KIAA1958: variants seen among roughly 807,000 people sequenced by gnomAD.
The protein encoded by KIAA1958 is uncharacterized protein KIAA1958.
Under a neutral mutation model 47.2 loss-of-function variants are expected in KIAA1958, and 14 were observed. The observed-to-expected ratio is 0.30, with a 90% CI of 0.20 to 0.46. KIAA1958 has a LOEUF of 0.46. Ranked by LOEUF, KIAA1958 falls within the 20% of genes least tolerant of loss-of-function variation. The pLI is 1.00. For synonymous variants in KIAA1958, 354 were observed against 353.3 expected (o/e 1.00, Z -0.02); for missense variants, 803 against 909.2 (o/e 0.88, Z 1.50).
At chr9:112,600,894 A>G (rs996291601) in intron 2 of KIAA1958, among the ~76,000 whole-genome samples, 1 of 152,192 alleles carries the variant, frequency 6.6e-6, no homozygotes, top group Non-Finnish European at 1.5e-5. Flanking sequence ...TTCCTATTGT[A>G]TTTGATCTTC....
At chr9:112,590,935 T>G (rs1012213616) in intron 2 of KIAA1958, among the ~76,000 whole-genome samples, 2 of 152,158 alleles carry the variant, frequency 1.3e-5, no homozygotes, top group Non-Finnish European at 2.9e-5. Flanking sequence ...TCTAGGAGCC[T>G]TTGGGCTTTG....
intron 1 of KIAA1958, among the ~76,000 whole-genome samples, chr9:112,561,044 A>G (rs892079395): frequency 6.0e-5 from 9 of 150,016 alleles, no homozygotes; most frequent in Non-Finnish European, 1.0e-4. Flanking sequence ...CACTCAGTGT[A>G]TTGTCTTTGC....
At chr9:112,589,861 T>C (rs1487551446) in intron 2 of KIAA1958, among the ~76,000 whole-genome samples, 1 of 152,318 alleles carries the variant, frequency 6.6e-6, no homozygotes, top group African/African-American at 2.4e-5. Flanking sequence ...TTCTGACTTT[T>C]TTCTGGAAAG....
At chr9:112,547,474 C>T (rs1365214202) in intron 1 of KIAA1958, among the ~76,000 whole-genome samples, 1 of 151,198 alleles carries the variant, frequency 6.6e-6, no homozygotes, top group Admixed American at 6.6e-5. Context: ...ACCTGAAAAA[C>T]TAGTTCGGGC....
In KIAA1958 at chr9:112,625,542, C is replaced by T. The variant is rs561638573; in HGVS notation, c.1172-20108C>T. 4.6e-5 allele frequency among the ~76,000 whole-genome samples: 7 copies of T among 152,268 alleles called. No homozygotes were observed. The South Asian group carries it at 1.5e-3, about 32-fold the overall frequency. Reference sequence around the variant, plus strand: ...CACCCTGTTAGGGTGTGAGCTTTCCCTTGTCAGGGTTAAAGCCGGGACTAG... The same window carrying T: ...CACCCTGTTAGGGTGTGAGCTTTCCTTTGTCAGGGTTAAAGCCGGGACTAG... On this transcript the variant is annotated intron_variant, in intron 2 of 3. Transcript: ENST00000337530.
chr9:112,534,483 A>T (rs767664890), intron 1 of KIAA1958, among the ~76,000 whole-genome samples: 8 of 149,334 alleles, frequency 5.4e-5, no homozygotes, highest in Non-Finnish European at 1.2e-4. Flanking sequence ...GTTTTTTCCT[A>T]CTGTGAAATA....
chr9:112,652,069 T>G (rs1303746707), intron 3 of KIAA1958, among the ~76,000 whole-genome samples: 1 of 152,130 alleles, frequency 6.6e-6, no homozygotes, highest in Non-Finnish European at 1.5e-5. Context: ...TCTCACTATG[T>G]TACCCAGGCT....
intron 2 of KIAA1958, among the ~76,000 whole-genome samples, chr9:112,642,550 A>G (rs567399397): frequency 1.3e-5 from 2 of 152,306 alleles, no homozygotes; most frequent in East Asian, 1.9e-4. Flanking sequence ...TAGATGATGT[A>G]AGGGCATCCG....
intron 2 of KIAA1958, among the ~76,000 whole-genome samples, chr9:112,585,595 G>A (rs1166966977): frequency 3.9e-5 from 6 of 152,204 alleles, no homozygotes; most frequent in South Asian, 2.1e-4. Flanking sequence ...TAGAGGCTGG[G>A]ACAGGAGGGC....
At chr9:112,496,218 G>A (rs574400248) in intron 1 of KIAA1958, among the ~76,000 whole-genome samples, 1 of 152,204 alleles carries the variant, frequency 6.6e-6, no homozygotes, top group Non-Finnish European at 1.5e-5. Context: ...TTACACAATG[G>A]AATACTGTAG....
At chr9:112,520,465 G>A (rs1227775429) in intron 1 of KIAA1958, among the ~76,000 whole-genome samples, 1 of 152,262 alleles carries the variant, frequency 6.6e-6, no homozygotes, top group South Asian at 2.1e-4. Context: ...TTGGTCCTAG[G>A]TTAACTTTCA....
At chr9:112,628,213 T>G (rs895396997) in intron 2 of KIAA1958, among the ~76,000 whole-genome samples, 1 of 152,226 alleles carries the variant, frequency 6.6e-6, no homozygotes, top group Non-Finnish European at 1.5e-5. Context: ...AAGATTCTTT[T>G]AATAAAGGGG....
chr9:112,545,054 A>ACT (rs1379969204), intron 1 of KIAA1958, among the ~76,000 whole-genome samples: 9 of 152,312 alleles, frequency 5.9e-5, no homozygotes, highest in East Asian at 3.9e-4. Flanking sequence ...CTCTTAAGGT[A>ACT]CTTATAAAAC....
chr9:112,521,388 A>T (rs1379208402), intron 1 of KIAA1958, among the ~76,000 whole-genome samples: 6 of 151,886 alleles, frequency 4.0e-5, no homozygotes, highest in Non-Finnish European at 7.4e-5. Context: ...AATTTTTTAA[A>T]TTTTTTGTAG....
At chr9:112,535,377 GTT>G (rs1298902358) in intron 1 of KIAA1958, among the ~76,000 whole-genome samples, 1 of 152,014 alleles carries the variant, frequency 6.6e-6, no homozygotes, top group Non-Finnish European at 1.5e-5. Context: ...CTAGCATAAT[GTT>G]TATAAGATTC....
At chr9:112,572,959 G>T (rs1269854290) in intron 1 of KIAA1958, among the ~76,000 whole-genome samples, 1 of 152,184 alleles carries the variant, frequency 6.6e-6, no homozygotes, top group African/African-American at 2.4e-5. Flanking sequence ...CAGAGCACCA[G>T]CGGGGCACCT....
chr9:112,611,097 A>G (rs187367593), intron 2 of KIAA1958, among the ~76,000 whole-genome samples: 45 of 152,312 alleles, frequency 3.0e-4, no homozygotes, highest in Middle Eastern at 3.4e-3. Context: ...ATATCAATAT[A>G]TCTGTATCAT....
Position 112,618,733 on chromosome 9 carries a change from T to C in KIAA1958, c.1172-26917T>C. 5 of 1,550,688 alleles carry C rather than the reference T, an allele frequency of 3.2e-6. No homozygotes were observed. The highest frequency in any genetic ancestry group is 4.4e-6 in the Non-Finnish European group (5 of 1,147,014). On this transcript the variant is annotated intron_variant, in intron 2 of 3. Transcript: ENST00000337530. The surrounding 1 kb of genome is among the most constrained non-coding windows in gnomAD (Gnocchi z 7.1). ...CCATGTGTGAGAAGGGCAACATCCC[T>C]GGCAGGAAAACCAACTTCAGTGTGT...
chr9:112,595,538 G>A (rs1307872556), intron 2 of KIAA1958, among the ~76,000 whole-genome samples: 1 of 151,888 alleles, frequency 6.6e-6, no homozygotes, highest in Admixed American at 6.6e-5. Flanking sequence ...GTGCATACCT[G>A]TAACCCCAGC....
Sources: gnomAD v4.1 joint callset for allele counts (sites outside exome capture counted in the v4.1 genomes callset) on GRCh38, gnomAD v4.1.1 for gene constraint, Gnocchi (gnomAD v3.1) non-coding constraint, MANE v1.5 for transcripts, NCBI Gene and HGNC (gene_info 2026-07-23, HGNC 2026-07-21) for gene names.